ARID5A: variants seen among roughly 807,000 people sequenced by gnomAD.
The protein encoded by ARID5A is AT-rich interactive domain-containing protein 5A.
A neutral mutation model predicts 30.5 loss-of-function variants in ARID5A; 14 were observed. The ratio of observed to expected loss-of-function variants is 0.46; its 90% CI spans 0.30 to 0.72. The LOEUF is 0.72. ARID5A is among the 30% of genes least tolerant of loss of function. The pLI is 0.07. For missense variants in ARID5A, 669 were observed against 786.2 expected, an observed-to-expected ratio of 0.85 and a Z score of 1.78; for synonymous variants, 338 against 340.4, an observed-to-expected ratio of 0.99 and a Z score of 0.08.
At chr2:96,541,775 TC>T (rs978098793) in intron 1 of ARID5A, among the ~76,000 whole-genome samples, 2 of 152,130 alleles carry the variant, frequency 1.3e-5, no homozygotes, top group African/African-American at 4.8e-5. Flanking sequence ...TTGCATTTGA[TC>T]CCCCACTTCT....
chr2:96,539,937 A>G lies in ARID5A; in HGVS notation c.4+3107A>G, dbSNP rs1293233621. ...GGTCTCCCTGCTCCCATTAGAAAGAAAAAAATCTCTAGCTCTCAGGGATCA... is the reference window on the plus strand; with the variant it reads ...GGTCTCCCTGCTCCCATTAGAAAGAGAAAAATCTCTAGCTCTCAGGGATCA... On this transcript the variant is annotated intron_variant, in intron 1 of 6. Transcript: ENST00000357485. The surrounding 1 kb of genome is among the most constrained non-coding windows in gnomAD (Gnocchi z 4.7). Among the ~76,000 whole-genome samples the G allele has an allele frequency of 6.6e-6, 1 of 152,198 alleles. No individual in the cohort carries two copies. The highest frequency in any genetic ancestry group is 2.4e-5 in the African/African-American group (1 of 41,436).
chr2:96,550,382 C>T lies in ARID5A; in HGVS notation c.410+97C>T, dbSNP rs1359715480. The T allele has an allele frequency of 2.1e-6, 3 of 1,427,530 alleles. No homozygotes were observed. Among genetic ancestry groups the T allele is most frequent in the African/African-American group, 2.9e-5 (2 of 68,516 alleles). The allele number at this position is 1,427,530 out of a possible 1,614,324, so 88.4% of individuals were successfully genotyped here. ...CCGGGTGGACTCTGCCCGGAGCGGG[C>T]AGGGTATGCGCCGTCCTCAGAGCTG... On this transcript the variant is annotated intron_variant, in intron 5 of 6. Transcript: ENST00000357485. This position sits in a 1 kb window ranked among gnomAD's most constrained non-coding sequence, Gnocchi z 6.6.
chr2:96,545,156 C>CT (rs35156624), intron 1 of ARID5A, among the ~76,000 whole-genome samples: 8,817 of 116,322 alleles, frequency 0.076, 378 homozygotes, highest in Non-Finnish European at 0.097. Flanking sequence ...TTTTCTTTTT[C>CT]TTTTTTTTTT....
At chr2:96,543,585 C>T (rs2065880082) in intron 1 of ARID5A, among the ~76,000 whole-genome samples, 1 of 152,030 alleles carries the variant, frequency 6.6e-6, no homozygotes, top group African/African-American at 2.4e-5. Context: ...CCATGAACCC[C>T]ACCCACAAAG....
At position 96,551,910 on chromosome 2, in the gene ARID5A, C is replaced by T; in HGVS notation, c.1382C>T (p.Ala461Val). The T allele has an allele frequency of 1.3e-6, 2 of 1,534,326 alleles. No homozygotes were observed. The highest frequency in any genetic ancestry group is 2.5e-5 in the South Asian group (2 of 79,214). Reference protein sequence around the residue: ...GAAHSGKRLRAVSPFLKEADA... With the variant: ...GAAHSGKRLRVVSPFLKEADA... ...GCCCACAGTGGGAAGAGACTGCGGGCCGTGTCTCCCTTTCTTAAGGAGGCG... is the reference window on the plus strand; with the variant it reads ...GCCCACAGTGGGAAGAGACTGCGGGTCGTGTCTCCCTTTCTTAAGGAGGCG... The change falls in exon 7 of 7, where the codon GCC (alanine) becomes GTC (valine). Residue 461 changes from alanine to valine, a missense_variant. By Grantham distance (64) the Ala-to-Val change is moderately conservative. This residue lies in a region of ARID5A where 548 missense variants were observed against 577.4 expected (regional missense o/e 0.95). Coordinates refer to ENST00000357485, the MANE Select transcript of ARID5A (RefSeq NM_212481.3).
At chr2:96,540,739 GTTTT>G (rs1307689010) in intron 1 of ARID5A, among the ~76,000 whole-genome samples, 1 of 152,190 alleles carries the variant, frequency 6.6e-6, no homozygotes, top group East Asian at 1.9e-4. Context: ...AGTAGTGGGG[GTTTT>G]TTGTTTGTTT....
chr2:96,542,393 C>A (rs1284256982), intron 1 of ARID5A, among the ~76,000 whole-genome samples: 1 of 152,198 alleles, frequency 6.6e-6, no homozygotes, highest in Non-Finnish European at 1.5e-5. Context: ...CAGCTCTAAT[C>A]CCTTTCCCAT....
Position 96,549,555 on chromosome 2 carries a change from T to C in ARID5A, c.259+96T>C. On this transcript the variant is annotated intron_variant, in intron 3 of 6. Coordinates refer to ENST00000357485, the MANE Select transcript of ARID5A (RefSeq NM_212481.3). The surrounding 1 kb of genome is among the most constrained non-coding windows in gnomAD (Gnocchi z 6.1). ...GCACTCCCACTCTGGGTGACCCAGG[T>C]TGCAGATAGAAAGGAGGCCTCCCTC... 1 of 1,542,378 alleles carries C rather than the reference T, an allele frequency of 6.5e-7. No homozygotes were observed. Among genetic ancestry groups the C allele is most frequent in the South Asian group, 1.2e-5 (1 of 86,270 alleles).
intron 1 of ARID5A, among the ~76,000 whole-genome samples, chr2:96,545,057 C>G (rs963112249): frequency 6.6e-6 from 1 of 151,822 alleles, no homozygotes; most frequent in African/African-American, 2.4e-5. Flanking sequence ...ATCTCATGAT[C>G]AAACTTGAGT....
chr2:96,550,429 C>G lies in ARID5A; in HGVS notation c.410+144C>G, dbSNP rs143379982. ...GCTGCGGGAGCCCAGGCTGGCTGGG[C>G]GCACTCACTGAGGGAGCTGAAGCTT... On this transcript the variant is annotated intron_variant, in intron 5 of 6. Coordinates refer to ENST00000357485, the MANE Select transcript of ARID5A (RefSeq NM_212481.3). The surrounding 1 kb of genome is among the most constrained non-coding windows in gnomAD (Gnocchi z 6.6). 0.032 allele frequency: 45,895 copies of G among 1,417,588 alleles called. 863 individuals carry two copies. The highest frequency in any genetic ancestry group is 0.059 in the African/African-American group (4,021 of 68,476). The allele number at this position is 1,417,588 out of a possible 1,614,324, so 87.8% of individuals were successfully genotyped here. A position where few individuals can be genotyped will look rare whatever the true frequency, so the allele number is the denominator to read the frequency against.
At chr2:96,538,181 C>A (rs938574179) in intron 1 of ARID5A, 10 of 985,334 alleles carry the variant, frequency 1.0e-5, no homozygotes, top group Admixed American at 6.1e-5. Context: ...ACCTCTGAGC[C>A]TCTGCCCCGT....
intron 2 of ARID5A, 37 bp downstream of exon 2, chr2:96,547,554 T>C: frequency 6.3e-7 from 1 of 1,586,186 alleles, no homozygotes; most frequent in Non-Finnish European, 8.6e-7. Context: ...CTGGGCACTC[T>C]TCCCTGCCAC....
chr2:96,551,130 C>G lies in ARID5A; in HGVS notation c.602C>G (p.Ala201Gly), dbSNP rs1553397249. 2.5e-6 allele frequency: 4 copies of G among 1,613,206 alleles called. No homozygotes were observed. ...MMPGKTKADA[A>G]DPAPLPSQEP... ...CCAGGAAAGACCAAAGCAGATGCTG[C>G]TGACCCAGCACCACTTCCCAGCCAG... Residue 201 changes from alanine to glycine, a missense_variant, in exon 7 of 7, where the codon GCT becomes GGT. Physicochemically the swap from Ala to Gly is moderately conservative, Grantham distance 60 (BLOSUM62 0). Around this residue, in one of 4 missense-constraint regions of ARID5A, gnomAD observed 548 missense variants for 577.4 expected, o/e 0.95. Coordinates refer to ENST00000357485, the MANE Select transcript of ARID5A (RefSeq NM_212481.3).
chr2:96,548,808 G>A (rs1461094186), intron 2 of ARID5A, among the ~76,000 whole-genome samples: 2 of 152,198 alleles, frequency 1.3e-5, no homozygotes, highest in South Asian at 2.1e-4. Context: ...TGCTCAGCAC[G>A]GCAGGCTGGG....
rs1490812507 is a variant in ARID5A at position 96,539,942 on chromosome 2, A to G, written c.4+3112A>G. ...CCCTGCTCCCATTAGAAAGAAAAAA[A>G]TCTCTAGCTCTCAGGGATCAGCGTC... On this transcript the variant is annotated intron_variant, in intron 1 of 6. Transcript: ENST00000357485. The surrounding 1 kb of genome is among the most constrained non-coding windows in gnomAD (Gnocchi z 4.7). Among the ~76,000 whole-genome samples the G allele has an allele frequency of 1.3e-5, 2 of 152,222 alleles. No individual in the cohort carries two copies. Among genetic ancestry groups the G allele is most frequent in the African/African-American group, 4.8e-5 (2 of 41,456 alleles).
rs76171392 is a variant in ARID5A at position 96,549,250 on chromosome 2, T to C, written c.121-71T>C. The C allele has an allele frequency of 9.5e-4, 1,498 of 1,570,996 alleles. 9 individuals are homozygous for C. In the African/African-American group the frequency reaches 0.017, roughly 18 times the overall value. On this transcript the variant is annotated intron_variant, in intron 2 of 6. Transcript: ENST00000357485. The surrounding 1 kb of genome is among the most constrained non-coding windows in gnomAD (Gnocchi z 6.1). ...GGTACCTTATTCCTCCTGCAGCCAG[T>C]GGTTTCTGCACATCCCCAGCAGCCA...
At position 96,552,000 on chromosome 2, in the gene ARID5A, CCCTGGGGCCTGT is replaced by C. The variant is rs774580728; in HGVS notation, c.1473_1484del (p.Leu492_Val495del). On this transcript the variant is annotated inframe_deletion, in exon 7 of 7. Transcript: ENST00000357485. Reference sequence around the variant, plus strand: ...CTGGTCTCCTGCCTTCTGGGCCCAGCCCTGGGGCCTGTGCCCCCAGAGGCCTACAGGGGCACC... The same window carrying C: ...CTGGTCTCCTGCCTTCTGGGCCCAGCGCCCCCAGAGGCCTACAGGGGCACC... 2.9e-5 allele frequency: 44 copies of C among 1,522,464 alleles called. No homozygotes were observed. The East Asian group carries it at 6.8e-4, about 24-fold the overall frequency. 94.3% of individuals were successfully genotyped at this position (1,522,464 alleles called of 1,614,324 possible). A position where few individuals can be genotyped will look rare whatever the true frequency, so the allele number is the denominator to read the frequency against.
At chr2:96,543,613 T>TAAATG (rs1393787777) in intron 1 of ARID5A, among the ~76,000 whole-genome samples, 1 of 152,150 alleles carries the variant, frequency 6.6e-6, no homozygotes, top group Non-Finnish European at 1.5e-5. Context: ...ACTAAATCGA[T>TAAATG]AAATGTTGTG....
intron 1 of ARID5A, among the ~76,000 whole-genome samples, chr2:96,545,139 CTTTTCTTTTTCT>C (rs1177441935): frequency 7.0e-6 from 1 of 143,604 alleles, no homozygotes; most frequent in Non-Finnish European, 1.5e-5. Context: ...CTTTCCTTTT[CTTTTCTTTTTCT>C]TTTTCTTTTT....
Sources: allele counts gnomAD v4.1 joint callset (sites outside exome capture counted in the v4.1 genomes callset), GRCh38; gene constraint gnomAD v4.1.1; regional missense constraint gnomAD v4.1.1; non-coding constraint Gnocchi (gnomAD v3.1); transcripts MANE v1.5; gene names NCBI Gene and HGNC (gene_info 2026-07-23, HGNC 2026-07-21).